Variants in CLSTN2 observed in about 807,000 individuals in gnomAD.
CLSTN2 encodes the protein calsyntenin-2.
A neutral mutation model predicts 101.2 loss-of-function variants in CLSTN2; 48 were observed. The observed-to-expected ratio is 0.47, with a 90% CI of 0.38 to 0.60. CLSTN2 has a LOEUF of 0.60. CLSTN2 is among the 20% of genes least tolerant of loss of function. The pLI is 0.00. For missense variants in CLSTN2, 1,160 were observed against 1,238.2 expected (o/e 0.94, Z 0.95); for synonymous variants, 481 against 463.6 (o/e 1.04, Z -0.48).
At chr3:140,055,271 G>A (rs905386741) in intron 1 of CLSTN2, among the ~76,000 whole-genome samples, 29 of 152,192 alleles carry the variant, frequency 1.9e-4, no homozygotes, top group African/African-American at 4.8e-5. Flanking sequence ...GCCTGGAGGG[G>A]CCTGCCTCTC....
chr3:140,268,865 G>A lies in CLSTN2; in HGVS notation c.232+92792G>A, dbSNP rs183941501. Among the ~76,000 whole-genome samples the A allele has an allele frequency of 5.8e-4, 89 of 152,286 alleles. 1 individual carries two copies. Among genetic ancestry groups the A allele is most frequent in the African/African-American group, 2.0e-3 (85 of 41,546 alleles). Reference sequence around the variant, plus strand: ...TCTCATTTCCTCTGTGTACAGGATAGAAACTATAAGGCACCTACCTTGATT... The same window carrying A: ...TCTCATTTCCTCTGTGTACAGGATAAAAACTATAAGGCACCTACCTTGATT... On this transcript the variant is annotated intron_variant, in intron 2 of 16. Coordinates refer to ENST00000458420, the MANE Select transcript of CLSTN2 (RefSeq NM_022131.3).
intron 1 of CLSTN2, among the ~76,000 whole-genome samples, chr3:139,959,030 A>G (rs1164820485): frequency 6.6e-6 from 1 of 151,928 alleles, no homozygotes; most frequent in East Asian, 1.9e-4. Flanking sequence ...GGTGGAAGAC[A>G]AGAGTGAGAG....
At chr3:140,155,156 A>G (rs910993227) in intron 1 of CLSTN2, among the ~76,000 whole-genome samples, 1 of 152,182 alleles carries the variant, frequency 6.6e-6, no homozygotes, top group African/African-American at 2.4e-5. Context: ...GCTCCGTGGA[A>G]AGGGATTGCC....
intron 9 of CLSTN2, among the ~76,000 whole-genome samples, chr3:140,533,080 GC>G (rs1450793242): frequency 6.6e-6 from 1 of 152,128 alleles, no homozygotes; most frequent in Non-Finnish European, 1.5e-5. Context: ...GAAGGTATCT[GC>G]CCCTTCCTCT....
chr3:140,325,140 T>A (rs966841064), intron 2 of CLSTN2, among the ~76,000 whole-genome samples: 1 of 152,202 alleles, frequency 6.6e-6, no homozygotes, highest in African/African-American at 2.4e-5. Flanking sequence ...TCAAGAGATC[T>A]TCCCACATCA....
chr3:140,007,132 T>TCACTTACTA (rs963022831), intron 1 of CLSTN2, among the ~76,000 whole-genome samples: 1 of 151,900 alleles, frequency 6.6e-6, no homozygotes, highest in African/African-American at 2.4e-5. Flanking sequence ...TTTCCCTCTG[T>TCACTTACTA]CACTTACTAG....
intron 2 of CLSTN2, among the ~76,000 whole-genome samples, chr3:140,335,143 G>GC (rs2087427715): frequency 6.6e-6 from 1 of 152,180 alleles, no homozygotes. Context: ...CCTGATAAAG[G>GC]CTGCTGCATC....
At chr3:140,450,990 A>G (rs1241430361) in intron 6 of CLSTN2, among the ~76,000 whole-genome samples, 1 of 152,164 alleles carries the variant, frequency 6.6e-6, no homozygotes, top group Non-Finnish European at 1.5e-5. Flanking sequence ...GATCTGCACT[A>G]TTCAGAAAAC....
At chr3:140,139,156 A>G (rs1163067462) in intron 1 of CLSTN2, among the ~76,000 whole-genome samples, 3 of 152,158 alleles carry the variant, frequency 2.0e-5, no homozygotes, top group African/African-American at 7.2e-5. Flanking sequence ...GGCAGAAGGG[A>G]GAGAGAGCAT....
intron 7 of CLSTN2, among the ~76,000 whole-genome samples, chr3:140,463,593 C>T (rs996066566): frequency 6.6e-6 from 1 of 152,260 alleles, no homozygotes; most frequent in East Asian, 1.9e-4. Context: ...AGAGCAGAGC[C>T]CAGGCGAGTC....
At chr3:140,445,084 CA>C (rs2108006586) in intron 5 of CLSTN2, among the ~76,000 whole-genome samples, 1 of 152,284 alleles carries the variant, frequency 6.6e-6, no homozygotes, top group African/African-American at 2.4e-5. Context: ...CATAAACCCT[CA>C]AAAACAAGCC....
intron 1 of CLSTN2, among the ~76,000 whole-genome samples, chr3:140,152,975 A>G (rs1244670595): frequency 6.6e-6 from 1 of 152,220 alleles, no homozygotes; most frequent in African/African-American, 2.4e-5. Context: ...TCCTAATGGA[A>G]TCCCGACTGG....
intron 10 of CLSTN2, 137 bp from the exon 11 acceptor site, chr3:140,556,376 A>T (rs1935790912): frequency 1.3e-6 from 1 of 771,830 alleles, no homozygotes; most frequent in Non-Finnish European, 2.2e-6. Flanking sequence ...TCATTTGTAC[A>T]CACAACTGTG....
At chr3:140,427,207 G>GTGTGTGTATATA (rs1397987072) in intron 5 of CLSTN2, among the ~76,000 whole-genome samples, 1 of 84,988 alleles carries the variant, frequency 1.2e-5, no homozygotes, top group African/African-American at 7.4e-5. Flanking sequence ...ATATATATGT[G>GTGTGTGTATATA]TATATATATA....
At position 140,103,945 on chromosome 3, in the gene CLSTN2, A is replaced by G. The variant is rs541670498; in HGVS notation, c.110-72006A>G. Among the ~76,000 whole-genome samples the G allele has an allele frequency of 2.0e-5, 3 of 152,364 alleles. No individual in the cohort carries two copies. In the East Asian group the frequency reaches 5.8e-4, roughly 29 times the overall value. ...ACTGTGGTATTCTGATCTCCAGAGA[A>G]CTAGGACATGATTGATGGAGAAAGG... On this transcript the variant is annotated intron_variant, in intron 1 of 16. Transcript: ENST00000458420.
At chr3:140,196,453 G>A (rs966581197) in intron 2 of CLSTN2, among the ~76,000 whole-genome samples, 1 of 152,254 alleles carries the variant, frequency 6.6e-6, no homozygotes, top group African/African-American at 2.4e-5. Flanking sequence ...AAACCAGGTT[G>A]CTGGGAGGAA....
At chr3:140,558,223 G>A (rs1396882314) in intron 11 of CLSTN2, among the ~76,000 whole-genome samples, 7 of 152,228 alleles carry the variant, frequency 4.6e-5, no homozygotes, top group South Asian at 2.1e-4. Flanking sequence ...GAGATATATC[G>A]TATAAGCAGA....
intron 2 of CLSTN2, among the ~76,000 whole-genome samples, chr3:140,221,627 ACT>A (rs2086273995): frequency 6.6e-6 from 1 of 152,300 alleles, no homozygotes; most frequent in African/African-American, 2.4e-5. Context: ...AGCTCAAATG[ACT>A]CTATCGAAAC....
chr3:139,939,161 A>G (rs1052296728), intron 1 of CLSTN2, among the ~76,000 whole-genome samples: 1 of 152,112 alleles, frequency 6.6e-6, no homozygotes, highest in Non-Finnish European at 1.5e-5. Context: ...GGTAAGGAGG[A>G]GGATGGAGCA....
Sources: gnomAD v4.1 joint callset for allele counts (sites outside exome capture counted in the v4.1 genomes callset) on GRCh38, gnomAD v4.1.1 for gene constraint, MANE v1.5 for transcripts, NCBI Gene and HGNC (gene_info 2026-07-23, HGNC 2026-07-21) for gene names.